Variants in COL13A1 observed in about 807,000 individuals in gnomAD.
COL13A1 encodes collagen alpha-1(XIII) chain.
COL13A1 carries 89 observed loss-of-function variants against 130.9 expected under a neutral mutation model. The ratio of observed to expected loss-of-function variants is 0.68; its 90% CI spans 0.57 to 0.81. The LOEUF (loss-of-function observed/expected upper bound fraction) is 0.81. Ranked by LOEUF, COL13A1 falls within the 30% of genes least tolerant of loss-of-function variation. COL13A1 has a pLI of 0.00. For missense variants in COL13A1, 879 were observed against 934.6 expected (o/e 0.94, Z 0.78); for synonymous variants, 402 against 341.6 (o/e 1.18, Z -1.95).
rs549448292 is a variant in COL13A1 at position 69,932,643 on chromosome 10, C to T, written c.1728+39C>T. ...AATTTGACAGAGACTCATCAAGCGA[C>T]AGTCTCTGCAGCATGCACAGTATTT... On this transcript the variant is annotated intron_variant, in intron 31 of 40. Transcript: ENST00000645393. 3.0e-6 allele frequency: 4 copies of T among 1,330,422 alleles called. No individual in the cohort carries two copies. The African/African-American group carries it at 5.7e-5, about 19-fold the overall frequency. The allele number at this position is 1,330,422 out of a possible 1,614,324, so 82.4% of individuals were successfully genotyped here.
intron 1 of COL13A1, among the ~76,000 whole-genome samples, chr10:69,804,717 T>G (rs1589113101): frequency 7.2e-6 from 1 of 139,804 alleles, no homozygotes; most frequent in Non-Finnish European, 1.5e-5. Context: ...CTGCTGCGGG[T>G]CAGGCATTGT....
chr10:69,938,383 C>G (rs2067216508), intron 34 of COL13A1, among the ~76,000 whole-genome samples: 1 of 152,148 alleles, frequency 6.6e-6, no homozygotes, highest in Non-Finnish European at 1.5e-5. Context: ...CACCACCCTC[C>G]CTGGAGCCCG....
At chr10:69,900,593 T>A (rs960331878) in intron 14 of COL13A1, among the ~76,000 whole-genome samples, 1 of 152,244 alleles carries the variant, frequency 6.6e-6, no homozygotes, top group African/African-American at 2.4e-5. Context: ...TGCTTGTCCA[T>A]TTCTTATCAA....
At chr10:69,870,486 T>TA (rs2058956288) in intron 3 of COL13A1, among the ~76,000 whole-genome samples, 1 of 45,530 alleles carries the variant, frequency 2.2e-5, no homozygotes, top group South Asian at 1.9e-3. Context: ...CTAATTTTTT[T>TA]AATTTTTTTT....
chr10:69,956,935 C>T lies in COL13A1; in HGVS notation c.2146-69C>T, dbSNP rs376498953. The T allele has an allele frequency of 3.8e-5, 50 of 1,301,150 alleles. No homozygotes were observed. The African/African-American group carries it at 7.3e-4, about 19-fold the overall frequency. 80.6% of individuals were successfully genotyped at this position (1,301,150 alleles called of 1,614,324 possible). On this transcript the variant is annotated intron_variant, in intron 39 of 40. Coordinates refer to ENST00000645393, the MANE Select transcript of COL13A1 (RefSeq NM_001368882.1). ...GCCAAAATGCGTGTGGCCCTTGTTA[C>T]CCCTGTCCTGCCCACTTGGTGGACC...
chr10:69,927,511 C>T (rs756354917), intron 27 of COL13A1, among the ~76,000 whole-genome samples: 11 of 152,216 alleles, frequency 7.2e-5, no homozygotes, highest in Non-Finnish European at 1.0e-4. Context: ...CAACCTACCA[C>T]GTATCCCCCT....
intron 1 of COL13A1, among the ~76,000 whole-genome samples, chr10:69,815,629 C>T (rs1589195127): frequency 6.6e-6 from 1 of 152,194 alleles, no homozygotes; most frequent in East Asian, 1.9e-4. Context: ...TGGCACACAT[C>T]CATCTGAAAG....
chr10:69,826,510 A>T (rs1277970321), intron 2 of COL13A1, among the ~76,000 whole-genome samples: 3 of 152,204 alleles, frequency 2.0e-5, no homozygotes, highest in Non-Finnish European at 4.4e-5. Context: ...GCCTTCAGCC[A>T]GCCTAATGGG....
chr10:69,855,368 A>G (rs2683560), intron 2 of COL13A1, among the ~76,000 whole-genome samples: 126,804 of 152,126 alleles, frequency 0.83, 53,186 homozygotes, highest in East Asian at 0.95. Context: ...TCCTGGACTA[A>G]TGACAGAGCT....
At chr10:69,956,671 C>T (rs1459226729) in intron 39 of COL13A1, 4 of 263,710 alleles carry the variant, frequency 1.5e-5, no homozygotes, top group African/African-American at 4.2e-5. Context: ...GTGGCTTACC[C>T]GTGAGCAGCC....
intron 1 of COL13A1, among the ~76,000 whole-genome samples, chr10:69,819,559 C>T (rs1468604754): frequency 6.6e-6 from 1 of 152,144 alleles, no homozygotes; most frequent in Non-Finnish European, 1.5e-5. Flanking sequence ...GTCTGCATTC[C>T]TCCTGTCTAT....
intron 14 of COL13A1, 120 bp from the exon 15 acceptor site, chr10:69,902,628 A>G (rs1307459927): frequency 5.4e-6 from 4 of 737,142 alleles, no homozygotes; most frequent in South Asian, 2.0e-5. Context: ...TCCTCCCCCC[A>G]TCACCACTCC....
chr10:69,826,295 A>G (rs769398519), intron 2 of COL13A1, among the ~76,000 whole-genome samples: 6 of 152,304 alleles, frequency 3.9e-5, no homozygotes, highest in Middle Eastern at 3.4e-3. Context: ...CCCAGAGGGA[A>G]GAATGGCTAG....
chr10:69,857,315 C>G (rs1338469582), intron 2 of COL13A1, among the ~76,000 whole-genome samples: 2 of 152,248 alleles, frequency 1.3e-5, no homozygotes, highest in Non-Finnish European at 2.9e-5. Flanking sequence ...CCTGTCCAGC[C>G]TGCTCTGCTT....
intron 4 of COL13A1, among the ~76,000 whole-genome samples, chr10:69,873,974 G>A (rs568206206): frequency 9.2e-5 from 14 of 152,248 alleles, no homozygotes; most frequent in Admixed American, 2.0e-4. Flanking sequence ...AGCATCATGT[G>A]GCATCCTCCC....
At chr10:69,925,992 G>A in intron 26 of COL13A1, 120 bp downstream of exon 26, 3 of 787,538 alleles carry the variant, frequency 3.8e-6, no homozygotes, top group Non-Finnish European at 6.3e-6. Flanking sequence ...CCCTCAGGCA[G>A]CGCTTCCAGG....
chr10:69,818,382 C>A (rs1845152426), intron 1 of COL13A1, among the ~76,000 whole-genome samples: 1 of 152,206 alleles, frequency 6.6e-6, no homozygotes, highest in Non-Finnish European at 1.5e-5. Context: ...GACCACATGA[C>A]CTCCTTGCTT....
intron 2 of COL13A1, chr10:69,824,202 G>T: frequency 2.1e-6 from 1 of 469,494 alleles, no homozygotes; most frequent in Non-Finnish European, 4.4e-6. Context: ...AGATAATCCT[G>T]GGAACTGCTT....
At chr10:69,897,620 G>C in intron 13 of COL13A1, 1 of 1,440,856 alleles carries the variant, frequency 6.9e-7, no homozygotes, top group Non-Finnish European at 9.6e-7. Context: ...CCAGGCCCCG[G>C]CAGTGGGAGC....
Sources: allele counts gnomAD v4.1 joint callset (sites outside exome capture counted in the v4.1 genomes callset), GRCh38; gene constraint gnomAD v4.1.1; transcripts MANE v1.5; gene names NCBI Gene and HGNC (gene_info 2026-07-23, HGNC 2026-07-21).